Variants in PCDHA7 observed in about 807,000 individuals in gnomAD.
PCDHA7 encodes the protein protocadherin alpha 7.
In PCDHA7, 37 loss-of-function variants were observed where a neutral mutation model predicts 57.2. The observed-to-expected ratio is 0.65, with a 90% CI of 0.50 to 0.85. PCDHA7 has a LOEUF of 0.85. Among genes scored for constraint, PCDHA7 ranks in the 40% least tolerant of loss-of-function variants. PCDHA7 has a pLI of 0.00. For missense variants in PCDHA7, 1,188 were observed against 1,241.8 expected, an observed-to-expected ratio of 0.96 and a Z score of 0.65; for synonymous variants, 553 against 558.8, an observed-to-expected ratio of 0.99 and a Z score of 0.15.
intron 1 of PCDHA7, among the ~76,000 whole-genome samples, chr5:140,941,368 G>A (rs2093051755): frequency 7.3e-6 from 1 of 136,646 alleles, no homozygotes; most frequent in Non-Finnish European, 1.5e-5. Context: ...CTAGGCTGGA[G>A]TGTAGTGACA....
intron 1 of PCDHA7, among the ~76,000 whole-genome samples, chr5:140,902,424 G>A (rs1422453587): frequency 6.6e-6 from 1 of 152,038 alleles, no homozygotes; most frequent in African/African-American, 2.4e-5. Flanking sequence ...AGTGGTGAAA[G>A]TGGGCATCCT....
At chr5:140,944,291 G>A (rs155813) in intron 1 of PCDHA7, among the ~76,000 whole-genome samples, 48,239 of 151,966 alleles carry the variant, frequency 0.32, 8,008 homozygotes, top group East Asian at 0.53. Flanking sequence ...GGGCTCAAGC[G>A]ATCCTCCTAC....
At chr5:140,991,411 C>G (rs905076175) in intron 3 of PCDHA7, among the ~76,000 whole-genome samples, 8 of 152,156 alleles carry the variant, frequency 5.3e-5, no homozygotes, top group Admixed American at 5.2e-4. Flanking sequence ...TCCCATTATG[C>G]TATAACAAAT....
chr5:140,925,498 A>G (rs1268906717), intron 1 of PCDHA7, among the ~76,000 whole-genome samples: 1 of 152,124 alleles, frequency 6.6e-6, no homozygotes, highest in East Asian at 1.9e-4. Flanking sequence ...CACTGTCCCA[A>G]TATCCACGCA....
intron 1 of PCDHA7, 166 bp from the exon 2 acceptor site, chr5:140,978,783 A>G: frequency 1.0e-6 from 1 of 972,136 alleles, no homozygotes. Context: ...TTTCTTCTAA[A>G]GTGCTATATA....
intron 1 of PCDHA7, among the ~76,000 whole-genome samples, chr5:140,947,710 A>G (rs2094165762): frequency 6.6e-6 from 1 of 151,556 alleles, no homozygotes; most frequent in African/African-American, 2.4e-5. Context: ...TTAAGTATTG[A>G]GGTTTCAAAA....
At position 140,842,829 on chromosome 5, in the gene PCDHA7, C is replaced by T. The variant is rs2150345601; in HGVS notation, c.2355+6091C>T. On this transcript the variant is annotated intron_variant, in intron 1 of 3. Transcript: ENST00000525929. Reference sequence around the variant, plus strand: ...GTGGAGCGGCGGGTGGGCGAGCGCTCGCTGTCGAGCTACATTTCGGTGCAC... The same window carrying T: ...GTGGAGCGGCGGGTGGGCGAGCGCTTGCTGTCGAGCTACATTTCGGTGCAC... 6.9e-5 allele frequency: 110 copies of T among 1,593,636 alleles called. 11 individuals carry two copies. The highest frequency in any genetic ancestry group is 9.4e-5 in the Non-Finnish European group (109 of 1,165,332).
Position 140,982,517 on chromosome 5 carries a change from A to T in PCDHA7, c.2457A>T (p.Pro819=), listed in dbSNP as rs990701966. The T allele has an allele frequency of 2.5e-5, 41 of 1,614,116 alleles. No individual in the cohort carries two copies. The highest frequency in any genetic ancestry group is 3.4e-5 in the Non-Finnish European group (40 of 1,180,048). Residue 819 remains proline, a synonymous_variant, in exon 3 of 4, where the codon CCA becomes CCT. Coordinates refer to ENST00000525929, the MANE Select transcript of PCDHA7 (RefSeq NM_018910.3). The part of the protein sequence containing the change: ...LEEAGILRAG[P]GGPDQQWPTV... ...AGGCTGGCATTCTACGGGCTGGTCC[A>T]GGAGGGCCTGATCAGCAGTGGCCAA...
intron 1 of PCDHA7, chr5:140,884,567 A>T (rs1562807924): frequency 6.2e-7 from 1 of 1,614,120 alleles, no homozygotes; most frequent in Non-Finnish European, 8.5e-7. Context: ...CCCGCATAAG[A>T]CGGACCTCAT....
intron 3 of PCDHA7, among the ~76,000 whole-genome samples, chr5:140,997,912 A>T (rs2097790316): frequency 1.3e-5 from 2 of 152,224 alleles, no homozygotes. Context: ...GTAGAATTAC[A>T]GAATCATAGG....
intron 1 of PCDHA7, chr5:140,928,175 G>A (rs782432136): frequency 6.8e-6 from 11 of 1,614,032 alleles, no homozygotes; most frequent in African/African-American, 1.3e-5. Flanking sequence ...CTTAGCACCC[G>A]AAGGACAATC....
chr5:140,844,111 C>T lies in PCDHA7; in HGVS notation c.2355+7373C>T, dbSNP rs2150368836. Among the ~76,000 whole-genome samples, 154 of 149,570 alleles carry T rather than the reference C, an allele frequency of 1.0e-3. 8 individuals are homozygous for T. The highest frequency in any genetic ancestry group is 3.7e-3 in the African/African-American group (153 of 40,936). On this transcript the variant is annotated intron_variant, in intron 1 of 3. Transcript: ENST00000525929. ...TCTTAATCTTACTCCATATGCTGTA[C>T]TTTGAAATGCATGTTTTAAATATGT...
At chr5:140,969,374 G>A (rs1554231740) in intron 1 of PCDHA7, 1 of 1,606,076 alleles carries the variant, frequency 6.2e-7, no homozygotes, top group South Asian at 1.1e-5. Flanking sequence ...TCATGCATTT[G>A]TTACACATCC....
chr5:140,841,310 C>A (rs2150313272), intron 1 of PCDHA7: 14 of 1,550,808 alleles, frequency 9.0e-6, no homozygotes, highest in Non-Finnish European at 1.2e-5. Flanking sequence ...TGATAGGAAA[C>A]GACTATTTAA....
At chr5:140,901,583 T>C (rs530803677) in intron 1 of PCDHA7, among the ~76,000 whole-genome samples, 14 of 152,340 alleles carry the variant, frequency 9.2e-5, no homozygotes, top group African/African-American at 3.4e-4. Context: ...GCCAGTGCCA[T>C]GATGTTTTGG....
chr5:140,924,754 G>T (rs1332624356), intron 1 of PCDHA7, among the ~76,000 whole-genome samples: 1 of 151,848 alleles, frequency 6.6e-6, no homozygotes, highest in African/African-American at 2.4e-5. Flanking sequence ...AATTAACCGA[G>T]CATGGTGGTG....
intron 1 of PCDHA7, chr5:140,876,193 G>A: frequency 6.2e-7 from 1 of 1,613,950 alleles, no homozygotes; most frequent in Non-Finnish European, 8.5e-7. Flanking sequence ...CAATGGTCCG[G>A]CGTTTGATAA....
intron 1 of PCDHA7, chr5:140,842,642 T>C: frequency 6.3e-7 from 1 of 1,595,112 alleles, no homozygotes; most frequent in Non-Finnish European, 8.6e-7. Context: ...CACCGCCAGC[T>C]TGTCTGTGGA....
intron 1 of PCDHA7, chr5:140,875,367 T>G: frequency 6.9e-7 from 1 of 1,449,166 alleles, no homozygotes; most frequent in Non-Finnish European, 9.1e-7. Flanking sequence ...CTGGAAAAAA[T>G]TTACTAAATA....
Sources: gnomAD v4.1 joint callset for allele counts (sites outside exome capture counted in the v4.1 genomes callset) on GRCh38, gnomAD v4.1.1 for gene constraint, MANE v1.5 for transcripts, NCBI Gene and HGNC (gene_info 2026-07-23, HGNC 2026-07-21) for gene names.